The following EPHX1 variants were observed in gnomAD, a reference collection of about 807,000 sequenced individuals.
EPHX1 encodes epoxide hydrolase 1.
A neutral mutation model predicts 43.2 loss-of-function variants in EPHX1; 40 were observed. The ratio of observed to expected loss-of-function variants is 0.93; its 90% CI spans 0.72 to 1.21. EPHX1 has a LOEUF of 1.21. Among genes scored for constraint, EPHX1 ranks in the 50% most tolerant of loss-of-function variants. EPHX1 has a pLI of 0.00. For missense variants in EPHX1, 550 were observed against 570.4 expected, an observed-to-expected ratio of 0.96 and a Z score of 0.36; for synonymous variants, 221 against 226.7, an observed-to-expected ratio of 0.98 and a Z score of 0.22.
intron 3 of EPHX1, among the ~76,000 whole-genome samples, chr1:225,832,466 C>T (rs773318047): frequency 1.3e-5 from 2 of 152,184 alleles, no homozygotes; most frequent in Non-Finnish European, 2.9e-5. Flanking sequence ...AGCCAGGAGG[C>T]GGAGGTTGCA....
At chr1:225,843,755 G>C (rs1435087260) in intron 7 of EPHX1, among the ~76,000 whole-genome samples, 1 of 152,216 alleles carries the variant, frequency 6.6e-6, no homozygotes, top group South Asian at 2.1e-4. Flanking sequence ...TTCAAGCTGC[G>C]GGCAGAGCTG....
Position 225,832,168 on chromosome 1 carries a change from A to G in EPHX1, c.364+209A>G, listed in dbSNP as rs1361023715. On this transcript the variant is annotated intron_variant, in intron 3 of 8. Coordinates refer to ENST00000272167, the MANE Select transcript of EPHX1 (RefSeq NM_001136018.4). The stretch of plus-strand genomic sequence containing the variant: ...TCTTTAGAGCTAGGCAGGAACACAT[A>G]CATGCAATTTAAAAACCAAAGAAAT... The G allele has an allele frequency of 2.0e-5, 12 of 604,348 alleles. No individual in the cohort carries two copies. In the East Asian group the frequency reaches 3.6e-4, roughly 18 times the overall value. 37.4% of individuals were successfully genotyped at this position (604,348 alleles called of 1,614,324 possible). A position where few individuals can be genotyped will look rare whatever the true frequency, so the allele number is the denominator to read the frequency against.
Position 225,835,382 on chromosome 1 carries a change from C to CCT in EPHX1, c.365-3272_365-3271insCT, listed in dbSNP as rs1553485501. On this transcript the variant is annotated intron_variant, in intron 3 of 8. Transcript: ENST00000272167. The stretch of plus-strand genomic sequence containing the variant: ...CACAGGTATGCACCACCACACTAGG[C>CCT]TTTTTTTTTTTTTTTTTTTTTTCTT... 5.9e-3 allele frequency among the ~76,000 whole-genome samples: 541 copies of CCT among 90,930 alleles called. 15 individuals carry two copies. The highest frequency in any genetic ancestry group is 0.017 in the South Asian group (38 of 2,284). The allele number at this position is 90,930 out of a possible 152,430, so 59.7% of individuals were successfully genotyped here. A position where few individuals can be genotyped will look rare whatever the true frequency, so the allele number is the denominator to read the frequency against.
chr1:225,826,200 G>A (rs748680568), intron 1 of EPHX1, among the ~76,000 whole-genome samples: 7 of 152,146 alleles, frequency 4.6e-5, no homozygotes, highest in South Asian at 2.1e-4. Flanking sequence ...ACAGCAGCTC[G>A]TGCCTCTAAT....
At chr1:225,842,324 C>T (rs1655354945) in intron 6 of EPHX1, 42 bp from the exon 7 acceptor site, 1 of 1,426,108 alleles carries the variant, frequency 7.0e-7, no homozygotes, top group Non-Finnish European at 9.9e-7. Flanking sequence ...GCTCTCTGGT[C>T]CCCAGGCCTG....
At chr1:225,844,292 A>C (rs1668713667) in intron 7 of EPHX1, among the ~76,000 whole-genome samples, 1 of 152,028 alleles carries the variant, frequency 6.6e-6, no homozygotes, top group Admixed American at 6.6e-5. Flanking sequence ...TGGGGTGATA[A>C]GAGACACTTC....
intron 1 of EPHX1, among the ~76,000 whole-genome samples, chr1:225,816,753 G>T (rs1666742968): frequency 6.6e-6 from 1 of 152,342 alleles, no homozygotes; most frequent in South Asian, 2.1e-4. Flanking sequence ...CTGACCTGAG[G>T]CTACATGGCT....
chr1:225,842,448 A>G lies in EPHX1; in HGVS notation c.1014A>G (p.Arg338=), dbSNP rs1434888815. ...CCACCTGGACCAATACGGAATTCCG[A>G]TACCTGGAGGATGGAGGCCTGGAAA... is the stretch of plus-strand genomic sequence containing the variant. ...KFSTWTNTEF[R]YLEDGGLERK... The change falls in exon 7 of 9, where the codon CGA becomes CGG. Residue 338 remains arginine, a synonymous_variant. Coordinates refer to ENST00000272167, the MANE Select transcript of EPHX1 (RefSeq NM_001136018.4). 1 of 1,613,666 alleles carries G rather than the reference A, an allele frequency of 6.2e-7. No homozygotes were observed. The highest frequency in any genetic ancestry group is 8.5e-7 in the Non-Finnish European group (1 of 1,179,704).
rs1271812923 is a variant in EPHX1 at position 225,839,317 on chromosome 1, C to A, written c.693C>A (p.Ile231=). 5 of 1,613,856 alleles carry A rather than the reference C, an allele frequency of 3.1e-6. No homozygotes were observed. The highest frequency in any genetic ancestry group is 4.2e-6 in the Non-Finnish European group (5 of 1,180,004). The change falls in exon 5 of 9, where the codon ATC becomes ATA. Residue 231 remains isoleucine, a synonymous_variant. Transcript: ENST00000272167. The part of the protein sequence containing the change: ...YIQGGDWGSL[I]CTNMAQLVPS... ...AAGGAGGGGACTGGGGGTCCCTGAT[C>A]TGCACTAATATGGCCCAGCTGGTGC...
At position 225,830,969 on chromosome 1, in the gene EPHX1, T is replaced by C. The variant is rs534632728; in HGVS notation, c.184-810T>C. On this transcript the variant is annotated intron_variant, in intron 2 of 8. Transcript: ENST00000272167. Reference sequence around the variant, plus strand: ...AATAGTTTGTGACGTGAAAATTATATAGCAGTCAGATTTCAGTGTCCATAA... The same window carrying C: ...AATAGTTTGTGACGTGAAAATTATACAGCAGTCAGATTTCAGTGTCCATAA... Among the ~76,000 whole-genome samples the C allele has an allele frequency of 1.0e-3, 156 of 152,334 alleles. 1 individual carries two copies. The highest frequency in any genetic ancestry group is 2.3e-3 in the South Asian group (11 of 4,826).
chr1:225,824,060 G>A (rs1001994902), intron 1 of EPHX1, among the ~76,000 whole-genome samples: 1 of 152,140 alleles, frequency 6.6e-6, no homozygotes, highest in African/African-American at 2.4e-5. Flanking sequence ...TCCCTGTCTC[G>A]AACTGCAGCA....
intron 1 of EPHX1, among the ~76,000 whole-genome samples, chr1:225,814,207 A>C (rs1666616369): frequency 6.6e-6 from 1 of 152,140 alleles, no homozygotes; most frequent in South Asian, 2.1e-4. Flanking sequence ...TTCTGAGACC[A>C]GCCTGGGCAA....
intron 3 of EPHX1, among the ~76,000 whole-genome samples, chr1:225,835,724 T>G (rs1021657326): frequency 2.7e-5 from 4 of 150,386 alleles, no homozygotes; most frequent in Non-Finnish European, 5.9e-5. Context: ...TTTTTTACAT[T>G]TTTAGTAGAG....
At chr1:225,842,744 G>A (rs1668536009) in intron 7 of EPHX1, among the ~76,000 whole-genome samples, 1 of 152,230 alleles carries the variant, frequency 6.6e-6, no homozygotes. Context: ...CCCCTCTGGG[G>A]ATTAGGGAGC....
intron 3 of EPHX1, among the ~76,000 whole-genome samples, chr1:225,833,532 A>G (rs1667736254): frequency 6.6e-6 from 1 of 152,160 alleles, no homozygotes; most frequent in Non-Finnish European, 1.5e-5. Context: ...ACGGTGGCGC[A>G]CGCCTGTAAT....
intron 1 of EPHX1, among the ~76,000 whole-genome samples, 195 bp from the exon 2 acceptor site, chr1:225,828,530 T>C (rs923625549): frequency 2.0e-5 from 3 of 148,480 alleles, no homozygotes; most frequent in African/African-American, 7.3e-5. Flanking sequence ...ATATATATAA[T>C]ATTTATACTA....
At chr1:225,814,998 G>A (rs1381592081) in intron 1 of EPHX1, among the ~76,000 whole-genome samples, 1 of 152,248 alleles carries the variant, frequency 6.6e-6, no homozygotes, top group Non-Finnish European at 1.5e-5. Context: ...TGGGGGAAAT[G>A]AATATACTTT....
chr1:225,827,664 C>A (rs1667315428), intron 1 of EPHX1, among the ~76,000 whole-genome samples: 3 of 152,172 alleles, frequency 2.0e-5, no homozygotes, highest in Non-Finnish European at 4.4e-5. Context: ...GGAGCGACAG[C>A]TGAAGGGTAT....
rs150700932 is a variant in EPHX1, at chr1:225,844,621, G to T, written c.1164G>T (p.Glu388Asp). The change falls in exon 8 of 9, where the codon GAG becomes GAT. Residue 388 changes from glutamate to aspartate, a missense_variant and splice_region_variant. By Grantham distance (45) the Glu-to-Asp change is conservative. Coordinates refer to ENST00000272167, the MANE Select transcript of EPHX1 (RefSeq NM_001136018.4). ...LGQGWMTQKH[E>D]RMKVYVPTGF... ...AGGGCTGGATGACCCAGAAGCATGA[G>T]CGGTGAGCCTGGCTGAGCCGAGAAC... 20 of 1,613,954 alleles carry T rather than the reference G, an allele frequency of 1.2e-5. No individual in the cohort carries two copies. In the African/African-American group the frequency reaches 2.0e-4, roughly 16 times the overall value.
Sources: allele counts gnomAD v4.1 joint callset (sites outside exome capture counted in the v4.1 genomes callset), GRCh38; gene constraint gnomAD v4.1.1; transcripts MANE v1.5; gene names NCBI Gene and HGNC (gene_info 2026-07-23, HGNC 2026-07-21).